The following METAP2 variants were observed in gnomAD, a reference collection of about 807,000 sequenced individuals.
METAP2 encodes methionine aminopeptidase 2.
Under a neutral mutation model 59.4 loss-of-function variants are expected in METAP2, and 25 were observed. That is an observed-to-expected ratio of 0.42 (90% CI 0.31 to 0.59). METAP2 has a LOEUF of 0.59. METAP2 is among the 20% of genes least tolerant of loss of function. The probability of loss-of-function intolerance (pLI) is 0.16; values close to 1 mark genes in which losing one functional copy is unlikely to be tolerated. For synonymous variants in METAP2, 214 were observed against 194.1 expected (o/e 1.10, Z -0.85); for missense variants, 366 against 581.2 (o/e 0.63, Z 3.81).
intron 4 of METAP2, among the ~76,000 whole-genome samples, chr12:95,493,010 G>A (rs1335255745): frequency 6.6e-6 from 1 of 152,172 alleles, no homozygotes; most frequent in Non-Finnish European, 1.5e-5. Flanking sequence ...TTCCTTGAAG[G>A]TATCACTTTT....
intron 7 of METAP2, among the ~76,000 whole-genome samples, chr12:95,500,174 A>G (rs2076305026): frequency 6.6e-6 from 1 of 150,642 alleles, no homozygotes; most frequent in Non-Finnish European, 1.5e-5. Context: ...AGTTATTGTT[A>G]ATGGAATTGT....
intron 4 of METAP2, among the ~76,000 whole-genome samples, chr12:95,487,864 C>T (rs370185559): frequency 1.2e-4 from 18 of 152,158 alleles, no homozygotes; most frequent in South Asian, 1.0e-3. Flanking sequence ...CATAATATTC[C>T]GTGGTGTGAG....
At position 95,513,134 on chromosome 12, in the gene METAP2, A is replaced by ACAC. The variant is rs1336299007; in HGVS notation, c.1184+218_1184+219insCAC. 1.4e-4 allele frequency among the ~76,000 whole-genome samples: 14 copies of ACAC among 100,112 alleles called. No individual in the cohort carries two copies. In the East Asian group the frequency reaches 1.4e-3, roughly 10 times the overall value. 65.7% of individuals were successfully genotyped at this position (100,112 alleles called of 152,430 possible). On this transcript the variant is annotated intron_variant, in intron 10 of 10. Coordinates refer to ENST00000323666, the MANE Select transcript of METAP2 (RefSeq NM_006838.4). ...ACACACACACACACACACACACACA[A>ACAC]GTGCTCTCTTCAAGTCCGGTTTCTG...
At chr12:95,509,929 C>G (rs2076390258) in intron 8 of METAP2, among the ~76,000 whole-genome samples, 1 of 150,480 alleles carries the variant, frequency 6.6e-6, no homozygotes, top group South Asian at 2.1e-4. Context: ...GTCTCTGCCT[C>G]CCGGGTTCAA....
intron 7 of METAP2, among the ~76,000 whole-genome samples, chr12:95,500,383 G>A (rs1281659745): frequency 6.6e-6 from 1 of 152,096 alleles, no homozygotes; most frequent in Non-Finnish European, 1.5e-5. Context: ...CAATTTAGAT[G>A]CCTTTTTATT....
chr12:95,485,825 C>G, intron 3 of METAP2, 54 bp from the exon 4 acceptor site: 1 of 1,209,386 alleles, frequency 8.3e-7, no homozygotes, highest in South Asian at 1.6e-5. Context: ...ACTCTAATAA[C>G]TGCTTAATTT....
At chr12:95,510,068 C>T (rs2076391263) in intron 8 of METAP2, among the ~76,000 whole-genome samples, 1 of 152,128 alleles carries the variant, frequency 6.6e-6, no homozygotes, top group South Asian at 2.1e-4. Context: ...AACTCCTGAC[C>T]TCAAGTCATC....
At chr12:95,500,682 AGATT>A (rs1164939263) in intron 7 of METAP2, among the ~76,000 whole-genome samples, 2 of 152,182 alleles carry the variant, frequency 1.3e-5, no homozygotes, top group African/African-American at 4.8e-5. Context: ...GTGTATTATT[AGATT>A]GATCTGTTTT....
At chr12:95,477,212 C>T (rs1453606410) in intron 2 of METAP2, among the ~76,000 whole-genome samples, 3 of 152,216 alleles carry the variant, frequency 2.0e-5, no homozygotes, top group South Asian at 2.1e-4. Flanking sequence ...ATTCTCCTGC[C>T]TCAGCCTCCC....
chr12:95,508,927 G>A (rs1227564830), intron 8 of METAP2, among the ~76,000 whole-genome samples: 1 of 151,528 alleles, frequency 6.6e-6, no homozygotes, highest in Non-Finnish European at 1.5e-5. Context: ...TATAGTTTAA[G>A]CAGAGAGGAT....
At chr12:95,474,352 C>T in intron 1 of METAP2, 22 bp downstream of exon 1, 1 of 1,611,798 alleles carries the variant, frequency 6.2e-7, no homozygotes, top group Non-Finnish European at 8.5e-7. Context: ...TTTATGTTTT[C>T]CCAGTCCCCT....
intron 6 of METAP2, among the ~76,000 whole-genome samples, chr12:95,495,781 A>G (rs2076271724): frequency 6.6e-6 from 1 of 152,120 alleles, no homozygotes; most frequent in Non-Finnish European, 1.5e-5. Context: ...GTCTTGGGGT[A>G]ATATATACTA....
intron 8 of METAP2, among the ~76,000 whole-genome samples, chr12:95,509,329 G>A (rs912573569): frequency 3.9e-5 from 6 of 152,254 alleles, no homozygotes; most frequent in African/African-American, 1.4e-4. Flanking sequence ...ATGATGTTTG[G>A]GAATAGAGCA....
intron 4 of METAP2, among the ~76,000 whole-genome samples, chr12:95,492,365 C>G (rs1449981093): frequency 1.3e-5 from 2 of 151,942 alleles, no homozygotes; most frequent in Admixed American, 1.3e-4. Flanking sequence ...AAATAATACT[C>G]TTAGTAAAGG....
rs557862151 is a variant in METAP2 at position 95,496,985 on chromosome 12, C to G, written c.867+887C>G. On this transcript the variant is annotated intron_variant, in intron 7 of 10. Transcript: ENST00000323666. The stretch of plus-strand genomic sequence containing the variant: ...GATTACAGGCACGCACAACCACTCC[C>G]GGCTGATTTTTATGTTTCTAGTAGA... Among the ~76,000 whole-genome samples, 3 of 151,876 alleles carry G rather than the reference C, an allele frequency of 2.0e-5. No individual in the cohort carries two copies. The South Asian group carries it at 6.3e-4, about 32-fold the overall frequency.
chr12:95,511,224 TATC>T (rs1565787127), intron 8 of METAP2, among the ~76,000 whole-genome samples: 1 of 152,272 alleles, frequency 6.6e-6, no homozygotes, highest in East Asian at 1.9e-4. Flanking sequence ...TCTTTCACAT[TATC>T]TTTTGGTCTG....
At chr12:95,513,090 TACACACACACACACACACAC>T (rs60788079) in intron 10 of METAP2, among the ~76,000 whole-genome samples, 174 bp downstream of exon 10, 4 of 136,182 alleles carry the variant, frequency 2.9e-5, no homozygotes, top group South Asian at 5.0e-4. Flanking sequence ...AGATAAAAAT[TACACACACACACACACACAC>T]ACACACACAC....
intron 2 of METAP2, among the ~76,000 whole-genome samples, chr12:95,477,104 ATT>A (rs72037664): frequency 1.4e-5 from 2 of 145,902 alleles, no homozygotes; most frequent in African/African-American, 5.0e-5. Context: ...TTTACTCTCT[ATT>A]TTTTTTTTTC....
chr12:95,503,053 G>T (rs2769468), intron 7 of METAP2, among the ~76,000 whole-genome samples: 96,624 of 150,908 alleles, frequency 0.64, 31,991 homozygotes, highest in African/African-American at 0.81. Context: ...GCCATCAGGT[G>T]TTTTTTCAGG....
Sources: gnomAD v4.1 joint callset for allele counts (sites outside exome capture counted in the v4.1 genomes callset) on GRCh38, gnomAD v4.1.1 for gene constraint, MANE v1.5 for transcripts, NCBI Gene and HGNC (gene_info 2026-07-23, HGNC 2026-07-21) for gene names.